Variants in QKI observed in about 807,000 individuals in gnomAD.
The protein encoded by QKI is QKI, KH domain containing RNA binding.
QKI carries 10 observed loss-of-function variants against 39.0 expected under a neutral mutation model. The ratio of observed to expected loss-of-function variants is 0.26; its 90% CI spans 0.16 to 0.43. The LOEUF (loss-of-function observed/expected upper bound fraction) is 0.43. Among genes scored for constraint, QKI ranks in the 20% least tolerant of loss-of-function variants. The pLI is 1.00. For missense variants in QKI, 218 were observed against 428.0 expected, an observed-to-expected ratio of 0.51 and a Z score of 4.33; for synonymous variants, 204 against 155.4, an observed-to-expected ratio of 1.31 and a Z score of -2.33.
At chr6:163,519,909 TA>T (rs1451644971) in intron 3 of QKI, among the ~76,000 whole-genome samples, 1 of 152,188 alleles carries the variant, frequency 6.6e-6, no homozygotes, top group Non-Finnish European at 1.5e-5. Flanking sequence ...GTTTCTTAAT[TA>T]AGGGGAAGTG....
rs375897488 is a variant in QKI, at chr6:163,468,716, T to C, written c.286-10064T>C. On this transcript the variant is annotated intron_variant, in intron 2 of 7. Coordinates refer to ENST00000361752, the MANE Select transcript of QKI (RefSeq NM_006775.3). ...CTTTTTTTCCCCTTTTTCTTTCCCT[T>C]CTTTTGGCCTTTAAAGTTGCACTTA... 2.0e-4 allele frequency among the ~76,000 whole-genome samples: 30 copies of C among 152,308 alleles called. No homozygotes were observed. In the East Asian group the frequency reaches 4.4e-3, roughly 22 times the overall value.
chr6:163,480,468 A>T (rs1792992306), intron 3 of QKI, among the ~76,000 whole-genome samples: 1 of 152,282 alleles, frequency 6.6e-6, no homozygotes, highest in African/African-American at 2.4e-5. Context: ...GCCCTCACAT[A>T]AGCTGACTGG....
chr6:163,563,854 G>A (rs1783186277), intron 6 of QKI, 135 bp downstream of exon 6: 7 of 1,453,296 alleles, frequency 4.8e-6, no homozygotes, highest in Non-Finnish European at 6.3e-6. Flanking sequence ...ACTAAATTTT[G>A]TTTTATTTCA....
chr6:163,432,298 A>C (rs1234006427), intron 1 of QKI, among the ~76,000 whole-genome samples: 6 of 152,208 alleles, frequency 3.9e-5, no homozygotes, highest in African/African-American at 1.4e-4. Context: ...AGCATTTTCC[A>C]GCAGGGTGAA....
chr6:163,516,018 ATC>A lies in QKI; in HGVS notation c.403-18962_403-18961del, dbSNP rs554978617. Among the ~76,000 whole-genome samples the A allele has an allele frequency of 4.2e-3, 242 of 57,106 alleles. 2 individuals are homozygous for A. Among genetic ancestry groups the A allele is most frequent in the Middle Eastern group, 0.023 (3 of 130 alleles). 37.5% of individuals were successfully genotyped at this position (57,106 alleles called of 152,430 possible). On this transcript the variant is annotated intron_variant, in intron 3 of 7. Coordinates refer to ENST00000361752, the MANE Select transcript of QKI (RefSeq NM_006775.3). ...AAATCTGTCACCTCATTGTGATATA[ATC>A]TGATTATTTTTAAAGAGAATACCTT...
intron 1 of QKI, chr6:163,423,671 A>G (rs1329455086): frequency 6.6e-6 from 1 of 152,232 alleles, no homozygotes; most frequent in Non-Finnish European, 1.5e-5. Flanking sequence ...AGATTCTTAG[A>G]ACTAGAATTT....
chr6:163,421,889 C>A (rs1388926283), intron 1 of QKI, among the ~76,000 whole-genome samples: 1 of 151,878 alleles, frequency 6.6e-6, no homozygotes, highest in African/African-American at 2.4e-5. Flanking sequence ...GGATTACAGG[C>A]GCCCGCCACC....
intron 4 of QKI, among the ~76,000 whole-genome samples, chr6:163,557,210 C>A (rs1381489282): frequency 6.6e-6 from 1 of 152,132 alleles, no homozygotes. Flanking sequence ...AAATTGAACA[C>A]AAAATATTAT....
intron 3 of QKI, among the ~76,000 whole-genome samples, chr6:163,510,486 G>A (rs934377153): frequency 8.6e-5 from 13 of 151,618 alleles, no homozygotes; most frequent in Admixed American, 1.3e-4. Context: ...GCTTCAACTC[G>A]GGAGGTGTGG....
chr6:163,563,945 G>A (rs556193224), intron 6 of QKI: 3 of 1,396,684 alleles, frequency 2.1e-6, no homozygotes, highest in Admixed American at 3.3e-5. Flanking sequence ...GTTCAGTTTG[G>A]TTGGGTAAAT....
intron 1 of QKI, among the ~76,000 whole-genome samples, chr6:163,454,293 G>T (rs1046366365): frequency 1.3e-5 from 2 of 151,924 alleles, no homozygotes; most frequent in Non-Finnish European, 2.9e-5. Flanking sequence ...CATTAAAATA[G>T]AATTCTCCTA....
chr6:163,560,077 A>G (rs1782900607), intron 4 of QKI, among the ~76,000 whole-genome samples: 1 of 152,100 alleles, frequency 6.6e-6, no homozygotes, highest in Admixed American at 6.5e-5. Flanking sequence ...GGGATTTGGA[A>G]ATAAAGTTAA....
At chr6:163,556,586 AAT>A (rs1782640024) in intron 4 of QKI, among the ~76,000 whole-genome samples, 1 of 151,866 alleles carries the variant, frequency 6.6e-6, no homozygotes, top group South Asian at 2.1e-4. Flanking sequence ...CATAAATTAA[AAT>A]ATATATATTT....
At chr6:163,533,279 C>T (rs1285957586) in intron 3 of QKI, among the ~76,000 whole-genome samples, 3 of 152,104 alleles carry the variant, frequency 2.0e-5, no homozygotes, top group Non-Finnish European at 4.4e-5. Context: ...TTATTTCTTG[C>T]CATACAGATA....
intron 6 of QKI, chr6:163,565,073 T>G: frequency 1.9e-6 from 2 of 1,056,726 alleles, no homozygotes; most frequent in Non-Finnish European, 2.3e-6. Context: ...CAAATACATT[T>G]CATTGTACAT....
At chr6:163,450,911 G>T (rs1790514539) in intron 1 of QKI, among the ~76,000 whole-genome samples, 1 of 152,138 alleles carries the variant, frequency 6.6e-6, no homozygotes, top group Admixed American at 6.5e-5. Context: ...GGAGGTTCTG[G>T]TCCCATTGTA....
At chr6:163,523,975 G>C (rs1780316252) in intron 3 of QKI, among the ~76,000 whole-genome samples, 1 of 152,162 alleles carries the variant, frequency 6.6e-6, no homozygotes, top group Admixed American at 6.5e-5. Context: ...GATAGAGTAG[G>C]GTAGTGGAAA....
chr6:163,543,175 A>C (rs1474600022), intron 4 of QKI, among the ~76,000 whole-genome samples: 2 of 152,110 alleles, frequency 1.3e-5, no homozygotes, highest in Non-Finnish European at 2.9e-5. Context: ...TTCTTTAACC[A>C]AATTGTTAAT....
intron 1 of QKI, among the ~76,000 whole-genome samples, chr6:163,427,525 A>G (rs1051436846): frequency 1.3e-5 from 2 of 151,588 alleles, no homozygotes; most frequent in African/African-American, 2.4e-5. Flanking sequence ...TTTAATTTCT[A>G]CTGAATCTTG....
Sources: allele counts gnomAD v4.1 joint callset (sites outside exome capture counted in the v4.1 genomes callset), GRCh38; gene constraint gnomAD v4.1.1; transcripts MANE v1.5; gene names NCBI Gene and HGNC (gene_info 2026-07-23, HGNC 2026-07-21).